Variants in FBXO34 observed in about 807,000 individuals in gnomAD.
FBXO34 encodes F-box only protein 34.
A neutral mutation model predicts 24.5 loss-of-function variants in FBXO34; 12 were observed. The ratio of observed to expected loss-of-function variants is 0.49; its 90% CI spans 0.31 to 0.79. FBXO34 has a LOEUF of 0.79. Ranked by LOEUF, FBXO34 falls within the 30% of genes least tolerant of loss-of-function variation. The pLI is 0.04. For synonymous variants in FBXO34, 320 were observed against 311.9 expected, an observed-to-expected ratio of 1.03 and a Z score of -0.27; for missense variants, 823 against 857.7, an observed-to-expected ratio of 0.96 and a Z score of 0.51.
At chr14:55,296,712 A>G (rs1014393820) in intron 1 of FBXO34, among the ~76,000 whole-genome samples, 10 of 152,048 alleles carry the variant, frequency 6.6e-5, no homozygotes, top group Non-Finnish European at 8.8e-5. Flanking sequence ...CTTGATTTTT[A>G]AAAGAAAAAC....
Position 55,323,248 on chromosome 14 carries a change from T to TTA in FBXO34, c.-10-27133_-10-27132insTA, listed in dbSNP as rs1480368099. Among the ~76,000 whole-genome samples the TTA allele has an allele frequency of 1.4e-3, 126 of 87,762 alleles. 16 individuals carry two copies. Among genetic ancestry groups the TTA allele is most frequent in the African/African-American group, 4.9e-3 (65 of 13,360 alleles). 57.6% of individuals were successfully genotyped at this position (87,762 alleles called of 152,430 possible). A position where few individuals can be genotyped will look rare whatever the true frequency, so the allele number is the denominator to read the frequency against. Reference sequence around the variant, plus strand: ...ATATTTTTTTTTTTTTTTTTTTTTTTAGAGACAGAGTCTCACTTATGTTGC... The same window carrying TTA: ...ATATTTTTTTTTTTTTTTTTTTTTTTTAAGAGACAGAGTCTCACTTATGTTGC... On this transcript the variant is annotated intron_variant, in intron 1 of 1. Coordinates refer to ENST00000313833, the MANE Select transcript of FBXO34 (RefSeq NM_017943.4).
intron 1 of FBXO34, among the ~76,000 whole-genome samples, chr14:55,305,904 C>T (rs1038809948): frequency 3.3e-5 from 5 of 152,212 alleles, no homozygotes; most frequent in Non-Finnish European, 7.3e-5. Flanking sequence ...GCTGGTTTTT[C>T]ATCTCCTTTC....
chr14:55,331,560 T>TATATAC (rs150276600), intron 1 of FBXO34, among the ~76,000 whole-genome samples: 47 of 142,686 alleles, frequency 3.3e-4, no homozygotes, highest in South Asian at 6.5e-4. Context: ...TATATATATA[T>TATATAC]ACACACACAC....
chr14:55,356,011 G>A (rs187689801), downstream of FBXO34, among the ~76,000 whole-genome samples: 1 of 152,292 alleles, frequency 6.6e-6, no homozygotes, highest in African/African-American at 2.4e-5. Context: ...CTCTCATTGT[G>A]CATCTGGTAT....
At chr14:55,411,647 A>G in the FBXO34 span, 5 of 1,613,182 alleles carry the variant, frequency 3.1e-6, no homozygotes, top group Non-Finnish European at 4.2e-6. Flanking sequence ...GCCGCTCTGA[A>G]CGCATTTGGC....
chr14:55,438,360 C>T, the FBXO34 span, among the ~76,000 whole-genome samples: 6 of 152,158 alleles, frequency 3.9e-5, no homozygotes, highest in East Asian at 1.2e-3. Context: ...AGATTTTTGA[C>T]CTCTATTTCA....
chr14:55,304,498 T>A (rs1882473138), intron 1 of FBXO34, among the ~76,000 whole-genome samples: 1 of 151,644 alleles, frequency 6.6e-6, no homozygotes, highest in African/African-American at 2.4e-5. Context: ...AGCCAGTCCC[T>A]CACCCTGCTT....
At position 55,304,607 on chromosome 14, in the gene FBXO34, C is replaced by G. The variant is rs531519281; in HGVS notation, c.-11+33070C>G. On this transcript the variant is annotated intron_variant, in intron 1 of 1. Coordinates refer to ENST00000313833, the MANE Select transcript of FBXO34 (RefSeq NM_017943.4). ...GGTCAAACTCCTGGGCTCAGGTGAT[C>G]CTCTGCCTCAGCCTCTGGAGTAGCT... Among the ~76,000 whole-genome samples, 3 of 152,206 alleles carry G rather than the reference C, an allele frequency of 2.0e-5. No individual in the cohort carries two copies. The East Asian group carries it at 5.8e-4, about 29-fold the overall frequency.
intron 1 of FBXO34, among the ~76,000 whole-genome samples, chr14:55,328,677 T>G (rs897187008): frequency 5.3e-5 from 8 of 152,206 alleles, no homozygotes; most frequent in African/African-American, 1.9e-4. Context: ...TATACAAACT[T>G]GTAGTCCTGG....
the FBXO34 span, among the ~76,000 whole-genome samples, chr14:55,401,909 C>A: frequency 6.6e-6 from 1 of 152,132 alleles, no homozygotes; most frequent in East Asian, 1.9e-4. Context: ...TGTAACTGCA[C>A]CAAGCATTTC....
intron 1 of FBXO34, among the ~76,000 whole-genome samples, chr14:55,282,015 T>TTTTTTTTTTTTTTG: frequency 1.0e-5 from 1 of 96,976 alleles, no homozygotes; most frequent in South Asian, 3.6e-4. Context: ...TTTTTTTTTT[T>TTTTTTTTTTTTTTG]GATACAGAGT....
Position 55,352,692 on chromosome 14 carries a change from C to T in FBXO34, c.*166C>T, listed in dbSNP as rs1254427677. 6.2e-6 allele frequency: 4 copies of T among 646,146 alleles called. No homozygotes were observed. The highest frequency in any genetic ancestry group is 1.0e-5 in the Non-Finnish European group (4 of 396,448). The allele number at this position is 646,146 out of a possible 1,614,324, so 40.0% of individuals were successfully genotyped here. On this transcript the variant is annotated 3_prime_UTR_variant, in exon 2 of 2. Coordinates refer to ENST00000313833, the MANE Select transcript of FBXO34 (RefSeq NM_017943.4). ...CTAAACTCTAAATTTACGAGCTGTA[C>T]AAAAAAATTGGTCTTGTTGTTTATA...
chr14:55,358,891 G>A (rs71413574), intron 3 of FBXO34, among the ~76,000 whole-genome samples: 1 of 152,166 alleles, frequency 6.6e-6, no homozygotes, highest in Non-Finnish European at 1.5e-5. Flanking sequence ...CTACTGACAC[G>A]TGTAATAGAA....
Position 55,350,736 on chromosome 14 carries a change from AC to A in FBXO34, c.348del (p.Lys117ArgfsTer16). 2 of 1,610,748 alleles carry A rather than the reference AC, an allele frequency of 1.2e-6. No homozygotes were observed. Among genetic ancestry groups the A allele is most frequent in the Non-Finnish European group, 1.7e-6 (2 of 1,179,148 alleles). On this transcript the variant is annotated frameshift_variant, in exon 2 of 2. Coordinates refer to ENST00000313833, the MANE Select transcript of FBXO34 (RefSeq NM_017943.4). LOFTEE classifies it low-confidence loss of function (END_TRUNC). The stretch of plus-strand genomic sequence containing the variant: ...CTGGGCTGTTGTGAAACCTGGAAAT[AC>A]CAAGGAAAAAATTGCATTCTTTGCA... ...DIWAVVKPGN[T>X]KEKIAFFASH...
At chr14:55,367,905 A>G (rs1266443603) in exon 3 of FBXO34, 2 of 152,580 alleles carry the variant, frequency 1.3e-5, no homozygotes, top group Non-Finnish European at 2.9e-5. Context: ...AGCAAAAGCT[A>G]TATAGCACCT....
intron 1 of FBXO34, among the ~76,000 whole-genome samples, chr14:55,315,860 G>A (rs981459017): frequency 6.6e-6 from 1 of 152,116 alleles, no homozygotes; most frequent in African/African-American, 2.4e-5. Flanking sequence ...ATCATTGTGA[G>A]TAATTATGAA....
chr14:55,367,238 C>G (rs532746962), exon 3 of FBXO34: 1 of 152,342 alleles, frequency 6.6e-6, no homozygotes, highest in East Asian at 1.9e-4. Flanking sequence ...CCACCAAGCT[C>G]CAAATCCCAC....
chr14:55,365,671 T>G (rs1884662737), downstream of FBXO34, among the ~76,000 whole-genome samples: 1 of 152,186 alleles, frequency 6.6e-6, no homozygotes, highest in South Asian at 2.1e-4. Flanking sequence ...TTTAAACTGC[T>G]GCCTGGAAAG....
chr14:55,297,160 A>G (rs920514721), intron 1 of FBXO34, among the ~76,000 whole-genome samples: 1 of 152,158 alleles, frequency 6.6e-6, no homozygotes, highest in Non-Finnish European at 1.5e-5. Context: ...AACTGCCGGC[A>G]TATATGTCTG....
Sources: gnomAD v4.1 joint callset for allele counts (sites outside exome capture counted in the v4.1 genomes callset) on GRCh38, gnomAD v4.1.1 for gene constraint, MANE v1.5 for transcripts, NCBI Gene and HGNC (gene_info 2026-07-23, HGNC 2026-07-21) for gene names.